The following MYPN variants were observed in gnomAD, a reference collection of about 807,000 sequenced individuals.
The protein encoded by MYPN is sarcomeric protein myopalladin, 145 kDa (MYOP).
A neutral mutation model predicts 129.4 loss-of-function variants in MYPN; 63 were observed. The ratio of observed to expected loss-of-function variants is 0.49; its 90% confidence interval spans 0.40 to 0.60. MYPN has a LOEUF of 0.60. Ranked by LOEUF, MYPN falls within the 20% of genes least tolerant of loss-of-function variation. The pLI, the probability that MYPN is intolerant of heterozygous loss-of-function variation, is 0.00. For missense variants in MYPN, 1,596 were observed against 1,635.4 expected (o/e 0.98, Z 0.42); for synonymous variants, 629 against 600.9 (o/e 1.05, Z -0.68).
intron 1 of MYPN, among the ~76,000 whole-genome samples, chr10:68,114,541 G>C (rs1284626351): frequency 6.6e-6 from 1 of 151,920 alleles, no homozygotes; most frequent in African/African-American, 2.4e-5. Context: ...TAGAGACAGG[G>C]TTTCACCATG....
At chr10:68,115,432 T>C (rs1458055105) in intron 1 of MYPN, among the ~76,000 whole-genome samples, 1 of 152,160 alleles carries the variant, frequency 6.6e-6, no homozygotes, top group Non-Finnish European at 1.5e-5. Context: ...TTGACTGCTC[T>C]TTCTTTCACA....
chr10:68,132,410 A>G (rs2042425005), intron 2 of MYPN, among the ~76,000 whole-genome samples: 1 of 152,186 alleles, frequency 6.6e-6, no homozygotes, highest in South Asian at 2.1e-4. Flanking sequence ...AGGATTTTGC[A>G]TTTTTGTTCA....
intron 10 of MYPN, among the ~76,000 whole-genome samples, chr10:68,166,895 C>T (rs945237869): frequency 6.6e-6 from 1 of 152,036 alleles, no homozygotes; most frequent in Non-Finnish European, 1.5e-5. Flanking sequence ...AAAAAATTAG[C>T]AGGCATGGTG....
At chr10:68,203,092 CG>C (rs983677311) in intron 18 of MYPN, among the ~76,000 whole-genome samples, 3 of 152,068 alleles carry the variant, frequency 2.0e-5, no homozygotes, top group African/African-American at 7.2e-5. Flanking sequence ...CTGCTGGGAC[CG>C]GGTGATTGCT....
intron 3 of MYPN, among the ~76,000 whole-genome samples, chr10:68,143,912 A>G (rs1241004657): frequency 6.6e-6 from 1 of 151,826 alleles, no homozygotes; most frequent in Non-Finnish European, 1.5e-5. Flanking sequence ...GCGCCACCAC[A>G]CCTGGCTAAT....
chr10:68,136,618 G>A (rs2042491326), intron 2 of MYPN: 1 of 1,526,010 alleles, frequency 6.6e-7, no homozygotes, highest in Non-Finnish European at 8.8e-7. Flanking sequence ...AGGCCATCCT[G>A]GCCATCTGAG....
chr10:68,104,409 G>C (rs544142095), upstream of MYPN, among the ~76,000 whole-genome samples: 1 of 152,228 alleles, frequency 6.6e-6, no homozygotes, highest in South Asian at 2.1e-4. Context: ...GCTGTGCTCA[G>C]AAATAACACC....
intron 1 of MYPN, among the ~76,000 whole-genome samples, chr10:68,110,110 C>T (rs1016627654): frequency 1.3e-5 from 2 of 152,198 alleles, no homozygotes; most frequent in Non-Finnish European, 2.9e-5. Flanking sequence ...AATATGCCTG[C>T]ATAAAGACTT....
rs538795576 is a variant in MYPN, at chr10:68,210,472, G to C, written c.*17G>C. 1.2e-6 allele frequency: 2 copies of C among 1,613,752 alleles called. No individual in the cohort carries two copies. Among genetic ancestry groups the C allele is most frequent in the Admixed American group, 3.3e-5 (2 of 60,026 alleles). On this transcript the variant is annotated 3_prime_UTR_variant, in exon 20 of 20. Coordinates refer to ENST00000358913, the MANE Select transcript of MYPN (RefSeq NM_032578.4). ...GAACTTTAAGAATGTCTAGGTACCT[G>C]CTGTGTAAGAGAGCGGACTGTGGAG...
At chr10:68,151,813 G>A (rs1373099091) in intron 6 of MYPN, among the ~76,000 whole-genome samples, 1 of 152,136 alleles carries the variant, frequency 6.6e-6, no homozygotes, top group Non-Finnish European at 1.5e-5. Context: ...ATCTTCCTAG[G>A]TACTGTGTCT....
chr10:68,111,633 AT>A (rs2042083068), intron 1 of MYPN, among the ~76,000 whole-genome samples: 1 of 152,236 alleles, frequency 6.6e-6, no homozygotes, highest in Admixed American at 6.5e-5. Context: ...CTGTTTAGAA[AT>A]TTAAGAACAA....
At chr10:68,153,136 C>T (rs1052265383) in intron 6 of MYPN, among the ~76,000 whole-genome samples, 2 of 150,898 alleles carry the variant, frequency 1.3e-5, no homozygotes, top group African/African-American at 2.5e-5. Flanking sequence ...TAGGTGTGCA[C>T]CACCATGCCT....
chr10:68,110,411 A>T (rs1213363704), intron 1 of MYPN, among the ~76,000 whole-genome samples: 1 of 152,248 alleles, frequency 6.6e-6, no homozygotes, highest in African/African-American at 2.4e-5. Context: ...CTGTATAAGC[A>T]AAGACAGAGA....
chr10:68,197,421 G>T lies in MYPN; in HGVS notation c.3228G>T (p.Leu1076=), dbSNP rs746111226. 53 of 1,613,990 alleles carry T rather than the reference G, an allele frequency of 3.3e-5. No homozygotes were observed. Among genetic ancestry groups the T allele is most frequent in the Admixed American group, 1.0e-4 (6 of 60,008 alleles). ...LQERFFRPHF[L]QAPGDMVAHE... is the part of the protein sequence containing the mutation. ...AACGCTTTTTCCGACCACATTTCCT[G>T]CAGGCTCCTGGGGATATGGTAGCTC... The change falls in exon 16 of 20, where the codon CTG becomes CTT. Residue 1076 remains leucine (L), a synonymous_variant. Coordinates refer to ENST00000358913, the MANE Select transcript of MYPN (RefSeq NM_032578.4).
chr10:68,168,882 A>G (rs918610036), intron 10 of MYPN, among the ~76,000 whole-genome samples: 1 of 151,196 alleles, frequency 6.6e-6, no homozygotes, highest in Non-Finnish European at 1.5e-5. Context: ...AATCCCAGCT[A>G]CTCAGGAGGC....
intron 13 of MYPN, among the ~76,000 whole-genome samples, chr10:68,189,937 A>G (rs1040913988): frequency 3.3e-5 from 5 of 152,142 alleles, no homozygotes; most frequent in Non-Finnish European, 5.9e-5. Flanking sequence ...TTTGGAGAAA[A>G]GAATCTCCAT....
chr10:68,199,674 T>C (rs2043677592), intron 17 of MYPN, 99 bp downstream of exon 17: 1 of 1,199,454 alleles, frequency 8.3e-7, no homozygotes, highest in South Asian at 1.3e-5. Context: ...TTTGCCCTAC[T>C]AACTCCAATC....
At chr10:68,200,776 A>T (rs1444055164) in intron 17 of MYPN, among the ~76,000 whole-genome samples, 1 of 151,886 alleles carries the variant, frequency 6.6e-6, no homozygotes, top group Non-Finnish European at 1.5e-5. Context: ...AAAGAAGAAG[A>T]AATTCAGGGT....
chr10:68,108,825 GAT>G (rs2042043666), upstream of MYPN, among the ~76,000 whole-genome samples: 1 of 152,118 alleles, frequency 6.6e-6, no homozygotes, highest in African/African-American at 2.4e-5. Flanking sequence ...CGGTTCAAGT[GAT>G]TCTCCTGCCG....
Sources: gnomAD v4.1 joint callset for allele counts (sites outside exome capture counted in the v4.1 genomes callset) on GRCh38, gnomAD v4.1.1 for gene constraint, MANE v1.5 for transcripts, NCBI Gene and HGNC (gene_info 2026-07-23, HGNC 2026-07-21) for gene names.